The following SHISA9 variants were observed in gnomAD, a reference collection of about 807,000 sequenced individuals.
SHISA9 encodes protein shisa-9.
Under a neutral mutation model 38.0 loss-of-function variants are expected in SHISA9, and 13 were observed. The observed-to-expected ratio is 0.34, with a 90% confidence interval of 0.22 to 0.54. The LOEUF (loss-of-function observed/expected upper bound fraction) is 0.54, where lower values mean the gene tolerates loss of function less well. Among genes scored for constraint, SHISA9 ranks in the 20% least tolerant of loss-of-function variants. SHISA9 has a pLI of 0.91. For synonymous variants in SHISA9, 275 were observed against 242.0 expected (o/e 1.14, Z -1.27); for missense variants, 538 against 575.8 (o/e 0.93, Z 0.67).
chr16:13,124,095 GC>G (rs2050236697), intron 2 of SHISA9, among the ~76,000 whole-genome samples: 1 of 152,124 alleles, frequency 6.6e-6, no homozygotes, highest in South Asian at 2.1e-4. Context: ...TGACTCTAAT[GC>G]CCCCTTCCCA....
chr16:13,252,382 G>A, the SHISA9 span, among the ~76,000 whole-genome samples: 1 of 152,194 alleles, frequency 6.6e-6, no homozygotes, highest in South Asian at 2.1e-4. Context: ...GGCATGTAGT[G>A]CATAGAGGCC....
chr16:13,094,124 T>C (rs970756339), intron 2 of SHISA9, among the ~76,000 whole-genome samples: 27 of 152,226 alleles, frequency 1.8e-4, no homozygotes, highest in African/African-American at 6.3e-4. Flanking sequence ...AGAAAAGACG[T>C]TGGGAAAGAA....
chr16:13,005,615 C>A (rs954412877), intron 2 of SHISA9, among the ~76,000 whole-genome samples: 3 of 152,106 alleles, frequency 2.0e-5, no homozygotes, highest in Admixed American at 2.0e-4. Context: ...TGACTTTTAC[C>A]AGGAAAATCT....
chr16:13,127,592 G>T (rs1029440050), intron 2 of SHISA9, among the ~76,000 whole-genome samples: 12 of 152,224 alleles, frequency 7.9e-5, no homozygotes, highest in African/African-American at 2.9e-4. Flanking sequence ...AGGGAGAGCA[G>T]CTTGACAGGT....
intron 2 of SHISA9, among the ~76,000 whole-genome samples, chr16:13,032,915 C>T (rs1242163588): frequency 6.6e-6 from 1 of 152,168 alleles, no homozygotes; most frequent in Non-Finnish European, 1.5e-5. Context: ...TTGCAAAGTT[C>T]CCTAGAGTCA....
chr16:12,905,985 C>T (rs2071087853), intron 1 of SHISA9, among the ~76,000 whole-genome samples: 1 of 152,222 alleles, frequency 6.6e-6, no homozygotes, highest in Non-Finnish European at 1.5e-5. Context: ...CAAATGCATC[C>T]TGGGCTGCTT....
intron 2 of SHISA9, among the ~76,000 whole-genome samples, chr16:13,194,550 A>G (rs1458257643): frequency 6.6e-6 from 1 of 152,188 alleles, no homozygotes; most frequent in Non-Finnish European, 1.5e-5. Context: ...AGTGTGGGGT[A>G]CCTCATAACC....
At chr16:13,262,534 CTACTT>C in the SHISA9 span, among the ~76,000 whole-genome samples, 4 of 152,150 alleles carry the variant, frequency 2.6e-5, no homozygotes, top group Non-Finnish European at 5.9e-5. Context: ...GACAGAAACT[CTACTT>C]TATTTACTTT....
chr16:13,147,830 T>G (rs1216870340), intron 2 of SHISA9, among the ~76,000 whole-genome samples: 1 of 152,176 alleles, frequency 6.6e-6, no homozygotes, highest in African/African-American at 2.4e-5. Context: ...TTGTTTTGTT[T>G]CATTTTTGGA....
chr16:13,351,995 C>G, the SHISA9 span, among the ~76,000 whole-genome samples: 1 of 152,180 alleles, frequency 6.6e-6, no homozygotes, highest in African/African-American at 2.4e-5. Context: ...GGCTCCTGCC[C>G]GAATAGAATG....
chr16:13,379,033 C>A, the SHISA9 span, among the ~76,000 whole-genome samples: 1 of 152,154 alleles, frequency 6.6e-6, no homozygotes, highest in Admixed American at 6.5e-5. Context: ...AACCTCATCT[C>A]CTTCATCACT....
chr16:13,428,000 G>GACAAA, the SHISA9 span, among the ~76,000 whole-genome samples: 1 of 152,146 alleles, frequency 6.6e-6, no homozygotes, highest in African/African-American at 2.4e-5. Context: ...TTGCTCCGAG[G>GACAAA]ACAAAACAGA....
chr16:13,390,259 A>C, the SHISA9 span, among the ~76,000 whole-genome samples: 1 of 152,120 alleles, frequency 6.6e-6, no homozygotes, highest in Non-Finnish European at 1.5e-5. Flanking sequence ...GAAGATTCTT[A>C]AGTCACGCCA....
At chr16:13,263,051 C>G in the SHISA9 span, among the ~76,000 whole-genome samples, 5 of 152,296 alleles carry the variant, frequency 3.3e-5, no homozygotes, top group African/African-American at 1.2e-4. Context: ...TGCAACGTAA[C>G]TATTCATTCC....
chr16:13,441,891 C>G, the SHISA9 span, among the ~76,000 whole-genome samples: 1 of 152,194 alleles, frequency 6.6e-6, no homozygotes, highest in Non-Finnish European at 1.5e-5. Context: ...ATTCCCAACC[C>G]AAAGGGATGT....
At chr16:13,518,363 C>G in the SHISA9 span, among the ~76,000 whole-genome samples, 115 of 152,290 alleles carry the variant, frequency 7.6e-4, no homozygotes, top group African/African-American at 2.6e-3. Flanking sequence ...TGCCGCCGAC[C>G]TGAGGCAGTC....
chr16:12,955,026 T>C (rs1375336595), intron 2 of SHISA9, among the ~76,000 whole-genome samples: 2 of 152,030 alleles, frequency 1.3e-5, no homozygotes, highest in Non-Finnish European at 2.9e-5. Flanking sequence ...TTTTAATAGA[T>C]GACAAAACTG....
intron 2 of SHISA9, among the ~76,000 whole-genome samples, chr16:12,972,903 G>A (rs1212186297): frequency 6.6e-6 from 1 of 152,050 alleles, no homozygotes; most frequent in Admixed American, 6.5e-5. Context: ...ATCACTTGAG[G>A]TCATGAGTTC....
the SHISA9 span, among the ~76,000 whole-genome samples, chr16:13,282,698 G>C: frequency 2.0e-5 from 3 of 151,772 alleles, no homozygotes; most frequent in African/African-American, 4.8e-5. Flanking sequence ...TTTTTGTTTT[G>C]TTCTTTAGGT....
Sources: allele counts gnomAD v4.1 joint callset (sites outside exome capture counted in the v4.1 genomes callset), GRCh38; gene constraint gnomAD v4.1.1; transcripts MANE v1.5; gene names NCBI Gene and HGNC (gene_info 2026-07-23, HGNC 2026-07-21).